The following TNFSF4 variants were observed in gnomAD, a reference collection of about 807,000 sequenced individuals.
TNFSF4 encodes TNF superfamily member 4.
In TNFSF4, 4 loss-of-function variants were observed where a neutral mutation model predicts 7.3. The observed-to-expected ratio is 0.55, with a 90% confidence interval of 0.27 to 1.25. The LOEUF (loss-of-function observed/expected upper bound fraction) is 1.25, where lower values mean the gene tolerates loss of function less well. TNFSF4 is among the 50% of genes most tolerant of loss of function. The pLI is 0.12. For missense variants in TNFSF4, 181 were observed against 208.8 expected, an observed-to-expected ratio of 0.87 and a Z score of 0.82; for synonymous variants, 76 against 83.7, an observed-to-expected ratio of 0.91 and a Z score of 0.50.
chr1:173,252,457 A>C, the TNFSF4 span, among the ~76,000 whole-genome samples: 1 of 152,098 alleles, frequency 6.6e-6, no homozygotes, highest in Non-Finnish European at 1.5e-5. Context: ...GGAATTCCTT[A>C]AGGAGCCTTT....
chr1:173,227,664 G>A, the TNFSF4 span, among the ~76,000 whole-genome samples: 2 of 152,200 alleles, frequency 1.3e-5, no homozygotes, highest in African/African-American at 4.8e-5. Context: ...AAGCACAAGG[G>A]GTCAGGGAAT....
the TNFSF4 span, among the ~76,000 whole-genome samples, chr1:173,415,296 C>T: frequency 2.6e-5 from 4 of 152,228 alleles, no homozygotes; most frequent in Non-Finnish European, 5.9e-5. Context: ...AGCTGGTGCA[C>T]TGTCAAGAGG....
the TNFSF4 span, among the ~76,000 whole-genome samples, chr1:173,304,952 T>G: frequency 6.6e-6 from 1 of 151,974 alleles, no homozygotes; most frequent in Admixed American, 6.6e-5. Context: ...GTGGACATTT[T>G]GTAAAATCAC....
At chr1:173,365,639 G>A in the TNFSF4 span, among the ~76,000 whole-genome samples, 3 of 152,108 alleles carry the variant, frequency 2.0e-5, no homozygotes, top group Admixed American at 1.3e-4. Flanking sequence ...TTGTTTATAT[G>A]TTGTGTCAAA....
At chr1:173,388,593 C>A in the TNFSF4 span, among the ~76,000 whole-genome samples, 1 of 152,162 alleles carries the variant, frequency 6.6e-6, no homozygotes, top group Non-Finnish European at 1.5e-5. Flanking sequence ...GATATCACAA[C>A]GGACTGGATG....
the TNFSF4 span, among the ~76,000 whole-genome samples, chr1:173,249,275 T>C: frequency 6.6e-6 from 1 of 152,298 alleles, no homozygotes; most frequent in South Asian, 2.1e-4. Context: ...TTGAGATACA[T>C]TTTAAAGCAA....
At chr1:173,173,396 A>C in the TNFSF4 span, among the ~76,000 whole-genome samples, 12 of 152,338 alleles carry the variant, frequency 7.9e-5, no homozygotes, top group East Asian at 2.1e-3. Flanking sequence ...CCAAGATATA[A>C]TGGGAGTACA....
At chr1:173,203,378 T>A (rs1650034305) in intron 1 of TNFSF4, among the ~76,000 whole-genome samples, 1 of 152,234 alleles carries the variant, frequency 6.6e-6, no homozygotes, top group Non-Finnish European at 1.5e-5. Context: ...TGTTAATTTT[T>A]TAATTCTCAA....
the TNFSF4 span, among the ~76,000 whole-genome samples, chr1:173,225,215 A>C: frequency 6.6e-6 from 1 of 152,156 alleles, no homozygotes; most frequent in Non-Finnish European, 1.5e-5. Context: ...CAGGCACCCT[A>C]ACACTAAAAG....
At chr1:173,383,409 T>G in the TNFSF4 span, among the ~76,000 whole-genome samples, 2 of 152,218 alleles carry the variant, frequency 1.3e-5, no homozygotes, top group African/African-American at 2.4e-5. Context: ...TCCATTAACA[T>G]TTTTAAAATT....
At chr1:173,368,364 C>G in the TNFSF4 span, among the ~76,000 whole-genome samples, 1 of 152,186 alleles carries the variant, frequency 6.6e-6, no homozygotes, top group Admixed American at 6.5e-5. Flanking sequence ...GACCACAAAA[C>G]CACCAGCAGA....
chr1:173,229,083 C>A, the TNFSF4 span, among the ~76,000 whole-genome samples: 2 of 152,102 alleles, frequency 1.3e-5, no homozygotes, highest in African/African-American at 4.8e-5. Context: ...CAGAGAACAC[C>A]GCAAAGATAC....
the TNFSF4 span, among the ~76,000 whole-genome samples, chr1:173,229,777 G>C: frequency 2.6e-5 from 4 of 152,234 alleles, no homozygotes; most frequent in South Asian, 8.3e-4. Flanking sequence ...GGCAGGGGTT[G>C]CAATCCTAGT....
At chr1:173,267,681 C>T in the TNFSF4 span, among the ~76,000 whole-genome samples, 1 of 152,130 alleles carries the variant, frequency 6.6e-6, no homozygotes, top group Non-Finnish European at 1.5e-5. Context: ...AGCTGTCAGC[C>T]AGGGCTACAG....
At chr1:173,245,349 T>C in the TNFSF4 span, among the ~76,000 whole-genome samples, 2 of 152,212 alleles carry the variant, frequency 1.3e-5, no homozygotes, top group African/African-American at 4.8e-5. Context: ...CAATATTTGC[T>C]TTTATAGAGA....
At chr1:173,191,649 G>T (rs546512813) in intron 1 of TNFSF4, among the ~76,000 whole-genome samples, 1 of 152,328 alleles carries the variant, frequency 6.6e-6, no homozygotes, top group African/African-American at 2.4e-5. Context: ...TGGGTAGGCA[G>T]CCTGGTAGGA....
At chr1:173,330,153 T>A in the TNFSF4 span, among the ~76,000 whole-genome samples, 1 of 152,142 alleles carries the variant, frequency 6.6e-6, no homozygotes, top group African/African-American at 2.4e-5. Context: ...AGCAACCCAC[T>A]TTGTTGGCCA....
chr1:173,260,079 G>T, the TNFSF4 span, among the ~76,000 whole-genome samples: 3 of 152,036 alleles, frequency 2.0e-5, no homozygotes, highest in African/African-American at 7.2e-5. Context: ...AAATGTTAAG[G>T]GCAGCCAGAG....
chr1:173,408,769 G>C, the TNFSF4 span, among the ~76,000 whole-genome samples: 2 of 151,992 alleles, frequency 1.3e-5, no homozygotes, highest in Non-Finnish European at 2.9e-5. Flanking sequence ...TGTATTTTTA[G>C]TAGAGACGGG....
Sources: gnomAD v4.1 joint callset for allele counts (sites outside exome capture counted in the v4.1 genomes callset) on GRCh38, gnomAD v4.1.1 for gene constraint, MANE v1.5 for transcripts, NCBI Gene and HGNC (gene_info 2026-07-23, HGNC 2026-07-21) for gene names.